The following MEI4 variants were observed in gnomAD, a reference collection of about 807,000 sequenced individuals.
The protein encoded by MEI4 is meiotic double-stranded break formation protein 4, also known as meiosis-specific protein MEI4.
MEI4 carries 27 observed loss-of-function variants against 31.4 expected under a neutral mutation model. The ratio of observed to expected loss-of-function variants is 0.86; its 90% CI spans 0.63 to 1.19. The LOEUF (loss-of-function observed/expected upper bound fraction) is 1.19. MEI4 is among the 50% of genes most tolerant of loss of function. The probability of loss-of-function intolerance (pLI) is 0.00; values close to 1 mark genes in which losing one functional copy is unlikely to be tolerated. For missense variants in MEI4, 329 were observed against 398.9 expected (o/e 0.82, Z 1.49); for synonymous variants, 122 against 145.4 (o/e 0.84, Z 1.16).
intron 4 of MEI4, among the ~76,000 whole-genome samples, chr6:77,829,708 C>A (rs1384869403): frequency 6.6e-6 from 1 of 152,096 alleles, no homozygotes; most frequent in Admixed American, 6.6e-5. Flanking sequence ...TGGTTTATTA[C>A]ATGTATTCCA....
At chr6:77,826,074 G>A (rs771983165) in intron 3 of MEI4, among the ~76,000 whole-genome samples, 8 of 152,152 alleles carry the variant, frequency 5.3e-5, no homozygotes, top group Non-Finnish European at 1.0e-4. Flanking sequence ...TAAGTACTGA[G>A]TGATCAAACA....
At chr6:77,694,784 G>A (rs1164404510) in intron 2 of MEI4, among the ~76,000 whole-genome samples, 1 of 151,684 alleles carries the variant, frequency 6.6e-6, no homozygotes, top group African/African-American at 2.4e-5. Flanking sequence ...ACCCAGTAAT[G>A]GGATGGCTGG....
At chr6:77,812,342 T>C (rs1769592256) in intron 3 of MEI4, among the ~76,000 whole-genome samples, 1 of 152,110 alleles carries the variant, frequency 6.6e-6, no homozygotes, top group African/African-American at 2.4e-5. Context: ...AAAAAAAGTT[T>C]AAATATGCAA....
At chr6:77,711,683 G>A (rs189436742) in intron 2 of MEI4, among the ~76,000 whole-genome samples, 12 of 152,228 alleles carry the variant, frequency 7.9e-5, no homozygotes, top group Non-Finnish European at 1.3e-4. Flanking sequence ...GAGTGAATAC[G>A]GAGCAACTGT....
chr6:77,693,602 G>A (rs1156706665), intron 2 of MEI4, among the ~76,000 whole-genome samples: 15 of 151,738 alleles, frequency 9.9e-5, no homozygotes, highest in Non-Finnish European at 1.8e-4. Flanking sequence ...CAGATGTATG[G>A]AAGTAATCTG....
chr6:77,690,070 G>C (rs1769130777), intron 1 of MEI4, among the ~76,000 whole-genome samples: 1 of 152,010 alleles, frequency 6.6e-6, no homozygotes, highest in Admixed American at 6.6e-5. Flanking sequence ...AATCAGAGTA[G>C]ACTCGCAACT....
chr6:77,883,737 TATATATAA>T (rs1018989553), intron 4 of MEI4, among the ~76,000 whole-genome samples: 23 of 132,948 alleles, frequency 1.7e-4, no homozygotes, highest in African/African-American at 4.2e-4. Context: ...TATATATATA[TATATATAA>T]CTTTGTCTTT....
intron 1 of MEI4, among the ~76,000 whole-genome samples, chr6:77,675,045 CAATT>C (rs1300702235): frequency 3.9e-5 from 6 of 151,900 alleles, no homozygotes; most frequent in African/African-American, 9.7e-5. Context: ...TAATATACCT[CAATT>C]TATTTAGTTG....
chr6:77,706,690 C>T (rs1471053029), intron 2 of MEI4, among the ~76,000 whole-genome samples: 2 of 152,148 alleles, frequency 1.3e-5, no homozygotes, highest in Non-Finnish European at 2.9e-5. Flanking sequence ...TGATTTGGTG[C>T]TGTCCTCATG....
chr6:77,792,333 C>A (rs79532034), intron 3 of MEI4, among the ~76,000 whole-genome samples: 93 of 152,126 alleles, frequency 6.1e-4, no homozygotes, highest in Non-Finnish European at 7.1e-4. Flanking sequence ...ATGTCTGGAT[C>A]GTATGACAGT....
At chr6:77,671,025 A>G (rs1015418682) in intron 1 of MEI4, among the ~76,000 whole-genome samples, 1 of 151,230 alleles carries the variant, frequency 6.6e-6, no homozygotes, top group Admixed American at 6.6e-5. Flanking sequence ...AGCAGTAGAA[A>G]GGTACAGTTG....
At chr6:77,851,576 T>G (rs181113176) in intron 4 of MEI4, among the ~76,000 whole-genome samples, 2,566 of 131,630 alleles carry the variant, frequency 0.019, 77 homozygotes, top group African/African-American at 0.07. Context: ...AGGTGGGAAT[T>G]GAACAATGAG....
intron 4 of MEI4, among the ~76,000 whole-genome samples, chr6:77,898,050 G>C (rs1766119569): frequency 6.6e-6 from 1 of 151,988 alleles, no homozygotes; most frequent in South Asian, 2.1e-4. Context: ...TATATAACTT[G>C]CATGTGATTT....
At chr6:77,677,953 TAGACTC>T (rs1768875221) in intron 1 of MEI4, among the ~76,000 whole-genome samples, 1 of 152,212 alleles carries the variant, frequency 6.6e-6, no homozygotes, top group Non-Finnish European at 1.5e-5. Flanking sequence ...AAAGGACAAT[TAGACTC>T]AGAAACCATG....
intron 2 of MEI4, among the ~76,000 whole-genome samples, chr6:77,695,107 G>T (rs1350838560): frequency 6.6e-6 from 1 of 152,136 alleles, no homozygotes; most frequent in African/African-American, 2.4e-5. Context: ...TTTTGATGGG[G>T]TTGTTTATTT....
intron 3 of MEI4, among the ~76,000 whole-genome samples, chr6:77,827,771 AG>A (rs1284312785): frequency 6.6e-6 from 1 of 152,166 alleles, no homozygotes; most frequent in African/African-American, 2.4e-5. Context: ...CAAAAGGGCA[AG>A]TGTCAATTAA....
chr6:77,735,813 G>A (rs1166731537), intron 2 of MEI4, among the ~76,000 whole-genome samples: 1 of 151,970 alleles, frequency 6.6e-6, no homozygotes, highest in Non-Finnish European at 1.5e-5. Context: ...TGGGTTTTTG[G>A]TGTGGATGTA....
At chr6:77,709,951 CA>C in intron 2 of MEI4, among the ~76,000 whole-genome samples, 1 of 152,220 alleles carries the variant, frequency 6.6e-6, no homozygotes, top group East Asian at 1.9e-4. Flanking sequence ...CAAAGCAGGC[CA>C]AGTCCATGCC....
chr6:77,822,979 A>G (rs1769862199), intron 3 of MEI4, among the ~76,000 whole-genome samples: 1 of 152,094 alleles, frequency 6.6e-6, no homozygotes, highest in African/African-American at 2.4e-5. Context: ...TCTAAGTGAT[A>G]ATAGGGACTA....
Sources: allele counts gnomAD v4.1 joint callset (sites outside exome capture counted in the v4.1 genomes callset), GRCh38; gene constraint gnomAD v4.1.1; transcripts MANE v1.5; gene names NCBI Gene and HGNC (gene_info 2026-07-23, HGNC 2026-07-21).